The following COL4A5 variants were observed in gnomAD, a reference collection of about 807,000 sequenced individuals.
COL4A5 encodes collagen alpha-5(IV) chain.
A neutral mutation model predicts 130.2 loss-of-function variants in COL4A5; 26 were observed. That is an observed-to-expected ratio of 0.20 (90% CI 0.15 to 0.28). The LOEUF (loss-of-function observed/expected upper bound fraction) is 0.28. COL4A5 is among the 10% of genes least tolerant of loss of function. The pLI, the probability that COL4A5 is intolerant of heterozygous loss-of-function variation, is 1.00. For synonymous variants in COL4A5, 496 were observed against 439.6 expected (o/e 1.13, Z -1.60); for missense variants, 1,131 against 1,344.3 (o/e 0.84, Z 2.48).
chrX:108,659,318 G>A (rs2067906372), intron 37 of COL4A5, among the ~76,000 whole-genome samples: 1 of 110,635 alleles, frequency 9.0e-6, no homozygotes, highest in Admixed American at 9.6e-5. Context: ...GCCAAATTTA[G>A]GGTTTATCTG....
chrX:108,518,873 C>T (rs1179134320), intron 1 of COL4A5, among the ~76,000 whole-genome samples: 2 of 110,805 alleles, frequency 1.8e-5, no homozygotes, highest in Admixed American at 9.7e-5. Flanking sequence ...CTTATGACAG[C>T]GAGAAGAAAA....
At position 108,440,156 on chromosome X, in the gene COL4A5, G is replaced by A. The variant is rs370313574; in HGVS notation, c.31G>A (p.Gly11Ser). 1.7e-6 allele frequency: 2 copies of A among 1,206,075 alleles called. No individual in the cohort carries two copies. The highest frequency in any genetic ancestry group is 3.6e-5 in the African/African-American group (2 of 56,181). ...ACTGCGTGGAGTCAGCCTGGCTGCC[G>A]GCTTGTTCTTACTGGCCCTGAGTCT... MKLRGVSLAA[G>S]LFLLALSLWG... The change falls in exon 1 of 53, where the codon GGC becomes AGC. Residue 11 changes from glycine (G) to serine (S), a missense_variant. Physicochemically the swap from Gly to Ser is moderately conservative, Grantham distance 56. Coordinates refer to ENST00000328300, the MANE Select transcript of COL4A5 (RefSeq NM_033380.3).
chrX:108,460,342 G>A (rs1603247404), intron 1 of COL4A5, among the ~76,000 whole-genome samples: 1 of 111,514 alleles, frequency 9.0e-6, no homozygotes, highest in Non-Finnish European at 1.9e-5. Context: ...GCTTTTCAAT[G>A]TCTGGCAAAA....
In COL4A5 at chrX:108,444,347, G is replaced by A. The variant is rs1490057706; in HGVS notation, c.81+4141G>A. Reference sequence around the variant, plus strand: ...CCATTCTCCTGCCTCAGCCTCCCAAGTAGCTGGGACTACAGGTGCCAGCCA... The same window carrying A: ...CCATTCTCCTGCCTCAGCCTCCCAAATAGCTGGGACTACAGGTGCCAGCCA... On this transcript the variant is annotated intron_variant, in intron 1 of 52. Transcript: ENST00000328300. Among the ~76,000 whole-genome samples the A allele has an allele frequency of 1.8e-5, 2 of 109,668 alleles. 1 individual carries two copies. Among genetic ancestry groups the A allele is most frequent in the Admixed American group, 2.0e-4 (2 of 10,242 alleles).
intron 36 of COL4A5, 118 bp from the exon 37 acceptor site, chrX:108,655,213 C>T (rs2067814440): frequency 5.0e-6 from 4 of 793,971 alleles, no homozygotes; most frequent in Non-Finnish European, 7.5e-6. Flanking sequence ...AAGCAATTTA[C>T]ATCAAGTACT....
At chrX:108,614,839 T>C (rs2066896723) in intron 29 of COL4A5, 72 bp from the exon 30 acceptor site, 1 of 724,398 alleles carries the variant, frequency 1.4e-6, no homozygotes, top group African/African-American at 2.1e-5. Flanking sequence ...TCTTGCTTAA[T>C]ATGATATGGT....
intron 1 of COL4A5, among the ~76,000 whole-genome samples, chrX:108,478,367 C>A (rs1757357361): frequency 1.8e-5 from 2 of 111,289 alleles, no homozygotes; most frequent in African/African-American, 6.6e-5. Context: ...GTTGTGGGAA[C>A]AGGAAGCAAA....
chrX:108,506,649 G>A (rs1177323316), intron 1 of COL4A5, among the ~76,000 whole-genome samples: 1 of 111,456 alleles, frequency 9.0e-6, no homozygotes, highest in Non-Finnish European at 1.9e-5. Flanking sequence ...ACAGAGTTCA[G>A]GTGGTAATAT....
chrX:108,614,015 CA>C (rs1328434385), intron 29 of COL4A5, among the ~76,000 whole-genome samples: 1 of 111,710 alleles, frequency 9.0e-6, no homozygotes, highest in Non-Finnish European at 1.9e-5. Context: ...TAATTGTAAA[CA>C]CCCCAAATGT....
Position 108,667,123 on chromosome X carries a change from A to G in COL4A5, c.3554-10A>G, listed in dbSNP as rs750630727. The G allele has an allele frequency of 5.8e-6, 7 of 1,207,489 alleles. No homozygotes were observed. Among genetic ancestry groups the G allele is most frequent in the African/African-American group, 3.5e-5 (2 of 56,987 alleles). ...GAGTTTTTGTTTTGTTTTGTTTTGT[A>G]CTCTGACAGGTCAACCAGGCTTTGG... On this transcript the variant is annotated splice_polypyrimidine_tract_variant and intron_variant, in intron 39 of 52. Transcript: ENST00000328300.
At position 108,454,684 on chromosome X, in the gene COL4A5, G is replaced by C. The variant is rs1264881552; in HGVS notation, c.81+14478G>C. On this transcript the variant is annotated intron_variant, in intron 1 of 52. Transcript: ENST00000328300. ...AATGCTCAAATAGAAGGTGGATGCT[G>C]CTCTGTCTGCCAACATACCCATGAG... Among the ~76,000 whole-genome samples, 6 of 111,831 alleles carry C rather than the reference G, an allele frequency of 5.4e-5. No homozygotes were observed. In the Admixed American group the frequency reaches 5.7e-4, roughly 11 times the overall value.
intron 3 of COL4A5, among the ~76,000 whole-genome samples, chrX:108,561,989 G>A (rs1382012602): frequency 1.8e-5 from 2 of 112,043 alleles, no homozygotes; most frequent in Non-Finnish European, 3.8e-5. Flanking sequence ...AATTTCCTGT[G>A]TCTAATGGCA....
At chrX:108,576,038 A>G in intron 10 of COL4A5, 66 bp downstream of exon 10, 1 of 646,546 alleles carries the variant, frequency 1.5e-6, no homozygotes, top group Non-Finnish European at 2.5e-6. Context: ...GAATATTAAT[A>G]TTATTTATAA....
At chrX:108,445,167 T>C (rs1173977643) in intron 1 of COL4A5, among the ~76,000 whole-genome samples, 4 of 111,296 alleles carry the variant, frequency 3.6e-5, no homozygotes, top group African/African-American at 1.3e-4. Flanking sequence ...CTCTCAAATC[T>C]CCTGTCTGAT....
Position 108,568,779 on chromosome X carries a change from G to T in COL4A5, c.342G>T (p.Gly114=). ...PGLPGMPGHD[G]APGPQGIPGC... ...CAAAGGGAATGCCAGGCCACGATGG[G>T]GCCCCAGGACCTCAAGGTATTCCCG... Residue 114 remains glycine (G), a synonymous_variant, in exon 6 of 53, where the codon GGG becomes GGT. Transcript: ENST00000328300. The T allele has an allele frequency of 8.3e-7, 1 of 1,210,914 alleles. No homozygotes were observed. The highest frequency in any genetic ancestry group is 3.0e-5 in the East Asian group (1 of 33,803).
At chrX:108,504,445 A>G (rs758145481) in intron 1 of COL4A5, among the ~76,000 whole-genome samples, 2 of 112,114 alleles carry the variant, frequency 1.8e-5, no homozygotes, top group East Asian at 5.6e-4. Context: ...GAGTGAACAG[A>G]CAACCTACAG....
At chrX:108,474,842 A>G (rs2064816590) in intron 1 of COL4A5, among the ~76,000 whole-genome samples, 1 of 111,735 alleles carries the variant, frequency 8.9e-6, no homozygotes, top group African/African-American at 3.2e-5. Flanking sequence ...AACGTCATTT[A>G]TTAAAGAGAC....
intron 1 of COL4A5, among the ~76,000 whole-genome samples, chrX:108,530,634 T>A (rs2065372790): frequency 2.1e-5 from 2 of 96,491 alleles, no homozygotes; most frequent in Admixed American, 2.3e-4. Context: ...ATCAGAGAAA[T>A]GCAAATCAAA....
chrX:108,483,203 ATGTGTGTGTGTGTGTGTGTATG>A (rs1326966824), intron 1 of COL4A5, among the ~76,000 whole-genome samples: 1 of 99,297 alleles, frequency 1.0e-5, no homozygotes, highest in African/African-American at 3.6e-5. Flanking sequence ...CTAATAGGAT[ATGTGTGTGTGTGTGTGTGTATG>A]TGTGTGTGTG....
Sources: allele counts gnomAD v4.1 joint callset (sites outside exome capture counted in the v4.1 genomes callset), GRCh38; gene constraint gnomAD v4.1.1; transcripts MANE v1.5; gene names NCBI Gene and HGNC (gene_info 2026-07-23, HGNC 2026-07-21).